Variants in EDIL3 observed in about 807,000 individuals in gnomAD.
EDIL3 encodes EGF like and discoidin domains 3.
A neutral mutation model predicts 67.4 loss-of-function variants in EDIL3; 37 were observed. The observed-to-expected ratio is 0.55, with a 90% CI of 0.42 to 0.72. The LOEUF (loss-of-function observed/expected upper bound fraction) is 0.72. Ranked by LOEUF, EDIL3 falls within the 30% of genes least tolerant of loss-of-function variation. The pLI is 0.00. For synonymous variants in EDIL3, 195 were observed against 196.3 expected (o/e 0.99, Z 0.05); for missense variants, 527 against 586.3 (o/e 0.90, Z 1.04).
At position 83,957,931 on chromosome 5, in the gene EDIL3, T is replaced by C. The variant is rs573086101; in HGVS notation, c.1293+5274A>G. Among the ~76,000 whole-genome samples, 33 of 151,776 alleles carry C rather than the reference T, an allele frequency of 2.2e-4. No individual in the cohort carries two copies. The South Asian group carries it at 6.0e-3, about 28-fold the overall frequency. On this transcript the variant is annotated intron_variant, in intron 10 of 10. Transcript: ENST00000296591. Reference sequence around the variant, plus strand: ...AATATAAATTTCACCTCCTTCTAGATGATCCCCCCATCTAATCTGCATCCT... The same window carrying C: ...AATATAAATTTCACCTCCTTCTAGACGATCCCCCCATCTAATCTGCATCCT...
intron 2 of EDIL3, among the ~76,000 whole-genome samples, chr5:84,237,967 T>A (rs1156790122): frequency 6.6e-6 from 1 of 152,176 alleles, no homozygotes; most frequent in African/African-American, 2.4e-5. Flanking sequence ...AGATGCAGCC[T>A]TAGACCAATT....
intron 9 of EDIL3, among the ~76,000 whole-genome samples, chr5:83,996,436 T>C (rs1745239592): frequency 6.6e-6 from 1 of 152,162 alleles, no homozygotes; most frequent in Non-Finnish European, 1.5e-5. Context: ...AAAAATGCAC[T>C]CACCCTGTAT....
At chr5:84,099,294 C>T (rs1747319174) in intron 6 of EDIL3, among the ~76,000 whole-genome samples, 1 of 149,268 alleles carries the variant, frequency 6.7e-6, no homozygotes, top group African/African-American at 2.5e-5. Context: ...ATAGTCAAGA[C>T]AATCCTAAGC....
At chr5:84,141,930 T>C (rs980048622) in intron 4 of EDIL3, among the ~76,000 whole-genome samples, 116 of 125,566 alleles carry the variant, frequency 9.2e-4, no homozygotes, top group East Asian at 6.2e-3. Flanking sequence ...TATACACATA[T>C]ATATATATAT....
intron 1 of EDIL3, among the ~76,000 whole-genome samples, chr5:84,326,782 TTTAATA>T (rs1364738193): frequency 6.6e-6 from 1 of 151,946 alleles, no homozygotes; most frequent in Non-Finnish European, 1.5e-5. Flanking sequence ...TACTTTTATC[TTTAATA>T]TTGTTTTTTT....
At chr5:84,233,836 T>C (rs1045835644) in intron 2 of EDIL3, among the ~76,000 whole-genome samples, 1 of 152,088 alleles carries the variant, frequency 6.6e-6, no homozygotes, top group Non-Finnish European at 1.5e-5. Flanking sequence ...CCAGAAGTCA[T>C]TGGCATGCAC....
chr5:84,076,302 C>T (rs1580314983), intron 6 of EDIL3, among the ~76,000 whole-genome samples: 2 of 152,120 alleles, frequency 1.3e-5, no homozygotes, highest in Admixed American at 1.3e-4. Flanking sequence ...GCAACTTTTC[C>T]AGATAACTGT....
rs117219885 is a variant in EDIL3, at chr5:84,093,025, G to A, written c.651+13624C>T. On this transcript the variant is annotated intron_variant, in intron 6 of 10. Transcript: ENST00000296591. The stretch of plus-strand genomic sequence containing the variant: ...TCTCTGGATTGGTGAGGCACTCCCC[G>A]TATAAATATAAATGCACCACATGTG... Among the ~76,000 whole-genome samples the A allele has an allele frequency of 6.3e-3, 952 of 152,220 alleles. 34 individuals are homozygous for A. Among genetic ancestry groups the A allele is most frequent in the Admixed American group, 0.045 (680 of 15,270 alleles).
At chr5:84,383,570 G>C (rs1026215030) in intron 1 of EDIL3, among the ~76,000 whole-genome samples, 1 of 152,202 alleles carries the variant, frequency 6.6e-6, no homozygotes, top group Non-Finnish European at 1.5e-5. Flanking sequence ...GACGCGAGGG[G>C]TGGCTTGCCC....
intron 8 of EDIL3, among the ~76,000 whole-genome samples, chr5:84,061,177 C>T (rs1052635026): frequency 1.3e-5 from 2 of 152,026 alleles, no homozygotes; most frequent in African/African-American, 2.4e-5. Context: ...CTGAACAAAC[C>T]TTTTAATACA....
At chr5:84,022,105 A>G (rs1745728091) in intron 9 of EDIL3, among the ~76,000 whole-genome samples, 1 of 151,964 alleles carries the variant, frequency 6.6e-6, no homozygotes, top group African/African-American at 2.4e-5. Context: ...ACAAGGGCAC[A>G]ATAAAAAAAG....
At chr5:84,007,383 G>A (rs1235364284) in intron 9 of EDIL3, among the ~76,000 whole-genome samples, 1 of 152,036 alleles carries the variant, frequency 6.6e-6, no homozygotes, top group Admixed American at 6.6e-5. Flanking sequence ...TCTGACAAGG[G>A]ATTAATAACC....
rs78391938 is a variant in EDIL3 at position 83,989,210 on chromosome 5, C to T, written c.1138-25850G>A. ...CTGCTTCATTTTAATAAATGCTGAACAAAGAGAAATAGCCACTCCTCCCTA... is the reference window on the plus strand; with the variant it reads ...CTGCTTCATTTTAATAAATGCTGAATAAAGAGAAATAGCCACTCCTCCCTA... On this transcript the variant is annotated intron_variant, in intron 9 of 10. Transcript: ENST00000296591. Among the ~76,000 whole-genome samples, 287 of 152,098 alleles carry T rather than the reference C, an allele frequency of 1.9e-3. 2 individuals carry two copies. In the East Asian group the frequency reaches 0.026, roughly 14 times the overall value.
rs575378714 is a variant in EDIL3 at position 84,177,553 on chromosome 5, CAA to C, written c.355+2838_355+2839del. 1.6e-4 allele frequency among the ~76,000 whole-genome samples: 25 copies of C among 152,200 alleles called. No individual in the cohort carries two copies. The East Asian group carries it at 4.5e-3, about 27-fold the overall frequency. On this transcript the variant is annotated intron_variant, in intron 4 of 10. Coordinates refer to ENST00000296591, the MANE Select transcript of EDIL3 (RefSeq NM_005711.5). ...TCAAATCCCACAGAACTATACAATA[CAA>C]AGAGTGAACTCTAAACTACGGACTT...
At chr5:84,174,073 G>A (rs1345848127) in intron 4 of EDIL3, among the ~76,000 whole-genome samples, 1 of 152,168 alleles carries the variant, frequency 6.6e-6, no homozygotes, top group African/African-American at 2.4e-5. Flanking sequence ...CATCAGGGTG[G>A]CCTGCTGAAG....
chr5:84,072,402 A>T (rs956470544), intron 6 of EDIL3, among the ~76,000 whole-genome samples: 1 of 152,150 alleles, frequency 6.6e-6, no homozygotes, highest in South Asian at 2.1e-4. Context: ...AATCTACACC[A>T]AGTAATCATA....
At chr5:83,955,302 A>G (rs1481141210) in intron 10 of EDIL3, among the ~76,000 whole-genome samples, 1 of 151,778 alleles carries the variant, frequency 6.6e-6, no homozygotes, top group East Asian at 1.9e-4. Flanking sequence ...AAGTAAGGTG[A>G]TAAAGCATGT....
rs556869459 is a variant in EDIL3 at position 84,273,564 on chromosome 5, A to G, written c.68-19352T>C. On this transcript the variant is annotated intron_variant, in intron 1 of 10. Coordinates refer to ENST00000296591, the MANE Select transcript of EDIL3 (RefSeq NM_005711.5). ...GTTTTTAAAATGCCTCACACATAAA[A>G]TAAGTGTTACTTAGGTCTTAAATAA... Among the ~76,000 whole-genome samples the G allele has an allele frequency of 2.6e-5, 4 of 152,340 alleles. No homozygotes were observed. The East Asian group carries it at 7.7e-4, about 29-fold the overall frequency.
At chr5:84,209,124 G>A (rs1029226553) in intron 3 of EDIL3, among the ~76,000 whole-genome samples, 1 of 150,962 alleles carries the variant, frequency 6.6e-6, no homozygotes, top group Non-Finnish European at 1.5e-5. Context: ...CTATCGCAAG[G>A]ACAAAAAACC....
Sources: allele counts gnomAD v4.1 joint callset (sites outside exome capture counted in the v4.1 genomes callset), GRCh38; gene constraint gnomAD v4.1.1; transcripts MANE v1.5; gene names NCBI Gene and HGNC (gene_info 2026-07-23, HGNC 2026-07-21).